Variants in IGDCC4 observed in about 807,000 individuals in gnomAD.
IGDCC4 encodes likely ortholog of mouse neighbor of Punc E11.
IGDCC4 carries 72 observed loss-of-function variants against 116.6 expected under a neutral mutation model. The ratio of observed to expected loss-of-function variants is 0.62; its 90% CI spans 0.51 to 0.75. IGDCC4 has a LOEUF of 0.75. Ranked by LOEUF, IGDCC4 falls within the 30% of genes least tolerant of loss-of-function variation. The pLI is 0.00. For missense variants in IGDCC4, 1,501 were observed against 1,662.4 expected, an observed-to-expected ratio of 0.90 and a Z score of 1.69; for synonymous variants, 709 against 719.9, an observed-to-expected ratio of 0.98 and a Z score of 0.24.
Position 65,411,183 on chromosome 15 carries a change from G to A in IGDCC4, c.258C>T (p.His86=), listed in dbSNP as rs747001659. The change falls in exon 2 of 20, where the codon CAC becomes CAT. Residue 86 remains histidine (H), a synonymous_variant. Transcript: ENST00000352385. ...GDTLLEHDHL[H]LLPNGSLWLS... ...GCCACAGGGAACCATTGGGCAGCAG[G>A]TGTAAGTGGTCGTGCTCCAGCAGGG... 1 of 1,614,206 alleles carries A rather than the reference G, an allele frequency of 6.2e-7. No individual in the cohort carries two copies. Among genetic ancestry groups the A allele is most frequent in the Non-Finnish European group, 8.5e-7 (1 of 1,180,040 alleles).
intron 8 of IGDCC4, among the ~76,000 whole-genome samples, 156 bp from the exon 9 acceptor site, chr15:65,394,704 G>A (rs2062903797): frequency 6.6e-6 from 1 of 152,210 alleles, no homozygotes; most frequent in African/African-American, 2.4e-5. Context: ...GGAGCCCCAA[G>A]CTGAAGGATG....
intron 13 of IGDCC4, 102 bp from the exon 14 acceptor site, chr15:65,389,513 C>A: frequency 2.0e-6 from 3 of 1,524,212 alleles, no homozygotes; most frequent in Non-Finnish European, 1.8e-6. Context: ...GCCCCAGGCT[C>A]TACCCTGGGA....
At chr15:65,412,520 A>AG (rs2063105575) in intron 1 of IGDCC4, among the ~76,000 whole-genome samples, 3 of 148,228 alleles carry the variant, frequency 2.0e-5, no homozygotes, top group Admixed American at 1.3e-4. Context: ...TCAAAAAAAA[A>AG]AAAAAAAAAA....
rs143694749 is a variant in IGDCC4 at position 65,396,894 on chromosome 15, G to C, written c.937C>G (p.Arg313Gly). 6 of 1,574,846 alleles carry C rather than the reference G, an allele frequency of 3.8e-6. No homozygotes were observed. The highest frequency in any genetic ancestry group is 1.8e-5 in the Admixed American group (1 of 54,194). Residue 313 changes from arginine to glycine, a missense_variant, in exon 6 of 20, where the codon CGC becomes GGC. By Grantham distance (125) the Arg-to-Gly change is moderately radical (BLOSUM62 -2). This residue lies in a region of IGDCC4 where 898 missense variants were observed against 978.9 expected (regional missense o/e 0.92). Coordinates refer to ENST00000352385, the MANE Select transcript of IGDCC4 (RefSeq NM_020962.3). ...QPWHSGVYVCRANKPRTRDFA... is the reference protein window; with the variant it reads ...QPWHSGVYVCGANKPRTRDFA... ...TCGCGCGTGCGGGGCTTGTTGGCGC[G>C]GCAGACATAGACGCCGGAGTGCCAG... is the stretch of plus-strand genomic sequence containing the variant.
Position 65,393,314 on chromosome 15 carries a change from CCACACAGTCACACA to C in IGDCC4, c.1885+33_1885+46del, listed in dbSNP as rs746615545. On this transcript the variant is annotated intron_variant, in intron 10 of 19. Coordinates refer to ENST00000352385, the MANE Select transcript of IGDCC4 (RefSeq NM_020962.3). The surrounding 1 kb of genome is among the most constrained non-coding windows in gnomAD (Gnocchi z 4.6). ...CTGGGTCCCAAGGACACACGCACAC[CCACACAGTCACACA>C]CACACTGTCCTGTCTCTCCTCTAAC... 1 of 1,538,430 alleles carries C rather than the reference CCACACAGTCACACA, an allele frequency of 6.5e-7. No individual in the cohort carries two copies. The highest frequency in any genetic ancestry group is 8.8e-7 in the Non-Finnish European group (1 of 1,137,228).
At position 65,396,162 on chromosome 15, in the gene IGDCC4, C is replaced by A; in HGVS notation, c.999G>T (p.Ala333=). The A allele has an allele frequency of 6.7e-7, 1 of 1,492,904 alleles. No homozygotes were observed. The highest frequency in any genetic ancestry group is 8.9e-7 in the Non-Finnish European group (1 of 1,126,912). The allele number at this position is 1,492,904 out of a possible 1,614,324, so 92.5% of individuals were successfully genotyped here. ...CGGGCGCCTGAGTGATGGCGGGAGC[C>A]GCTAGGGGCGCGAGGGGCGACGCTG... ...ATAAAELRVL[A]APAITQAPEA... The change falls in exon 7 of 20, where the codon GCG becomes GCT. Residue 333 remains alanine, a splice_region_variant and synonymous_variant. Transcript: ENST00000352385.
rs1567093954 is a variant in IGDCC4 at position 65,413,059 on chromosome 15, T to TGA, written c.71-1691_71-1690dup. On this transcript the variant is annotated intron_variant, in intron 1 of 19. Coordinates refer to ENST00000352385, the MANE Select transcript of IGDCC4 (RefSeq NM_020962.3). The stretch of plus-strand genomic sequence containing the variant: ...GTGTGTGTGTGTGTGTGTGTGTGTG[T>TGA]GAATACTATATATTTTGAATGAACA... Among the ~76,000 whole-genome samples the TGA allele has an allele frequency of 2.7e-5, 4 of 148,970 alleles. No individual in the cohort carries two copies. The South Asian group carries it at 8.5e-4, about 32-fold the overall frequency.
In IGDCC4 at chr15:65,387,193, ATT is replaced by A. The variant is rs530001201; in HGVS notation, c.2846-539_2846-538del. ...AGGCATGAGCTACCACACCCAGATA[ATT>A]TTTAAATTTTTTGTGGAGACAGGGT... is the stretch of plus-strand genomic sequence containing the variant. On this transcript the variant is annotated intron_variant, in intron 16 of 19. Coordinates refer to ENST00000352385, the MANE Select transcript of IGDCC4 (RefSeq NM_020962.3). Among the ~76,000 whole-genome samples, 4 of 151,576 alleles carry A rather than the reference ATT, an allele frequency of 2.6e-5. No individual in the cohort carries two copies. The South Asian group carries it at 8.4e-4, about 32-fold the overall frequency.
chr15:65,409,551 C>T (rs147792127), intron 3 of IGDCC4, among the ~76,000 whole-genome samples: 216 of 152,304 alleles, frequency 1.4e-3, no homozygotes, highest in African/African-American at 5.0e-3. Context: ...CTGGACCTAC[C>T]CAGGAAGCCA....
chr15:65,387,994 C>T (rs1595776278), intron 16 of IGDCC4, among the ~76,000 whole-genome samples: 1 of 151,942 alleles, frequency 6.6e-6, no homozygotes, highest in South Asian at 2.1e-4. Flanking sequence ...GCCTGTAATC[C>T]CAGCACTTTA....
At chr15:65,415,771 C>T (rs1401010976) in intron 1 of IGDCC4, among the ~76,000 whole-genome samples, 2 of 152,188 alleles carry the variant, frequency 1.3e-5, no homozygotes, top group East Asian at 1.9e-4. Flanking sequence ...CTGTGCTCAA[C>T]CTGATTTCTG....
At chr15:65,391,279 C>T (rs1303760066) in intron 12 of IGDCC4, among the ~76,000 whole-genome samples, 1 of 152,184 alleles carries the variant, frequency 6.6e-6, no homozygotes, top group African/African-American at 2.4e-5. Context: ...TGATTACTCC[C>T]TCTGCTAAAC....
intron 6 of IGDCC4, among the ~76,000 whole-genome samples, chr15:65,396,589 A>G (rs1412541817): frequency 6.6e-6 from 1 of 151,452 alleles, no homozygotes; most frequent in Admixed American, 6.6e-5. Context: ...ACTCCCCGCT[A>G]ATCACCCGCT....
At position 65,411,102 on chromosome 15, in the gene IGDCC4, C is replaced by G. The variant is rs749551662; in HGVS notation, c.339G>C (p.Gly113=). The stretch of plus-strand genomic sequence containing the variant: ...GGCACGAATAGTTGCCTTCAATGAC[C>G]CCCACAGCCTCAGGGACTGACTCGT... The part of the protein sequence containing the change: ...GSDESVPEAV[G]VIEGNYSCLA... Residue 113 remains glycine, a synonymous_variant, in exon 2 of 20, where the codon GGG becomes GGC. Coordinates refer to ENST00000352385, the MANE Select transcript of IGDCC4 (RefSeq NM_020962.3). The G allele has an allele frequency of 3.1e-6, 5 of 1,614,104 alleles. No homozygotes were observed. In the South Asian group the frequency reaches 4.4e-5, roughly 14 times the overall value.
At chr15:65,391,188 C>A (rs539999775) in intron 12 of IGDCC4, among the ~76,000 whole-genome samples, 72 of 152,276 alleles carry the variant, frequency 4.7e-4, no homozygotes, top group African/African-American at 1.7e-3. Flanking sequence ...TGAGATCATA[C>A]CATTGCACTC....
chr15:65,410,732 C>T, intron 2 of IGDCC4: 2 of 485,492 alleles, frequency 4.1e-6, no homozygotes, highest in Non-Finnish European at 7.3e-6. Context: ...ACAAAGGGGG[C>T]ACTCTGGCAG....
In IGDCC4 at chr15:65,382,777, G is replaced by A. The variant is rs750152759; in HGVS notation, c.*1232C>T. 2.6e-5 allele frequency: 4 copies of A among 152,138 alleles called. No homozygotes were observed. The highest frequency in any genetic ancestry group is 5.9e-5 in the Non-Finnish European group (4 of 68,046). 9.4% of individuals were successfully genotyped at this position (152,138 alleles called of 1,614,324 possible). A position where few individuals can be genotyped will look rare whatever the true frequency, so the allele number is the denominator to read the frequency against. On this transcript the variant is annotated 3_prime_UTR_variant, in exon 20 of 20. Transcript: ENST00000352385. ...AGTCAAGCCTCACAGGGTGGGAAGG[G>A]CCTCCCTGAACTCTCACTCCCCTTC... is the stretch of plus-strand genomic sequence containing the variant.
chr15:65,392,960 T>A (rs549371474), intron 10 of IGDCC4, among the ~76,000 whole-genome samples: 12 of 152,342 alleles, frequency 7.9e-5, no homozygotes, highest in Non-Finnish European at 1.5e-4. Flanking sequence ...TAGTGTCGCA[T>A]AGAGAGCATG....
chr15:65,417,637 C>A lies in IGDCC4; in HGVS notation c.70+5156G>T, dbSNP rs557962192. 2.4e-4 allele frequency among the ~76,000 whole-genome samples: 36 copies of A among 152,280 alleles called. No individual in the cohort carries two copies. In the South Asian group the frequency reaches 7.3e-3, roughly 31 times the overall value. ...GGGAGACGGAGTCTCACTCTGTCAC[C>A]CAGGTTGGAGTGCAGTGGCATGATC... On this transcript the variant is annotated intron_variant, in intron 1 of 19. Coordinates refer to ENST00000352385, the MANE Select transcript of IGDCC4 (RefSeq NM_020962.3).
Sources: gnomAD v4.1 joint callset for allele counts (sites outside exome capture counted in the v4.1 genomes callset) on GRCh38, gnomAD v4.1.1 for gene constraint, gnomAD v4.1.1 regional missense constraint, Gnocchi (gnomAD v3.1) non-coding constraint, MANE v1.5 for transcripts, NCBI Gene and HGNC (gene_info 2026-07-23, HGNC 2026-07-21) for gene names.